The following CTIF variants were observed in gnomAD, a reference collection of about 807,000 sequenced individuals.
CTIF encodes cap binding complex dependent translation initiation factor.
A neutral mutation model predicts 66.0 loss-of-function variants in CTIF; 21 were observed. The ratio of observed to expected loss-of-function variants is 0.32; its 90% CI spans 0.23 to 0.46. The LOEUF is 0.46. Among genes scored for constraint, CTIF ranks in the 20% least tolerant of loss-of-function variants. CTIF has a pLI of 1.00. For missense variants in CTIF, 739 were observed against 812.7 expected (o/e 0.91, Z 1.10); for synonymous variants, 345 against 326.4 (o/e 1.06, Z -0.62).
intron 9 of CTIF, among the ~76,000 whole-genome samples, chr18:48,772,617 T>G (rs1047903062): frequency 1.3e-5 from 2 of 150,604 alleles, no homozygotes; most frequent in East Asian, 3.9e-4. Flanking sequence ...GTGCCTGGCT[T>G]ATTTCACTTC....
At chr18:48,619,510 C>T (rs1030574369) in intron 1 of CTIF, 28 bp from the exon 2 acceptor site, 24 of 1,361,022 alleles carry the variant, frequency 1.8e-5, no homozygotes, top group Admixed American at 3.2e-5. Flanking sequence ...CAGCGTCTCA[C>T]GGAGTTCTCT....
At chr18:48,595,448 AC>A (rs2089972051) in intron 1 of CTIF, among the ~76,000 whole-genome samples, 1 of 152,070 alleles carries the variant, frequency 6.6e-6, no homozygotes, top group African/African-American at 2.4e-5. Context: ...TTTTAGAGAG[AC>A]AGGGTCTCAG....
At chr18:48,790,046 G>A (rs537357059) in intron 9 of CTIF, among the ~76,000 whole-genome samples, 5 of 152,348 alleles carry the variant, frequency 3.3e-5, no homozygotes, top group Non-Finnish European at 5.9e-5. Context: ...CCATTGTGAA[G>A]ATGAAAGGAG....
intron 7 of CTIF, among the ~76,000 whole-genome samples, chr18:48,744,838 T>C (rs2092583090): frequency 6.6e-6 from 1 of 151,378 alleles, no homozygotes; most frequent in Non-Finnish European, 1.5e-5. Flanking sequence ...TTTTTTTTCT[T>C]TTGAGGTGGA....
chr18:48,853,977 C>T (rs1054028695), intron 10 of CTIF, among the ~76,000 whole-genome samples: 1 of 152,188 alleles, frequency 6.6e-6, no homozygotes, highest in Non-Finnish European at 1.5e-5. Context: ...TGAGGATGTG[C>T]CCTCAGAATG....
rs538672412 is a variant in CTIF at position 48,837,295 on chromosome 18, G to T, written c.1527+19919G>T. 5.7e-4 allele frequency among the ~76,000 whole-genome samples: 87 copies of T among 152,292 alleles called. 2 individuals carry two copies. The highest frequency in any genetic ancestry group is 2.0e-3 in the African/African-American group (83 of 41,570). On this transcript the variant is annotated intron_variant, in intron 10 of 11. Transcript: ENST00000256413. Reference sequence around the variant, plus strand: ...ACTGGTGCCTGCCTCACAGGGTGGGGGCGAGAAGGGGGCTGTCTAAGGCCC... The same window carrying T: ...ACTGGTGCCTGCCTCACAGGGTGGGTGCGAGAAGGGGGCTGTCTAAGGCCC...
intron 9 of CTIF, among the ~76,000 whole-genome samples, chr18:48,784,845 G>A (rs1359566439): frequency 1.3e-5 from 2 of 152,202 alleles, no homozygotes; most frequent in East Asian, 3.8e-4. Flanking sequence ...AAACATGTAT[G>A]CACATTCATG....
At chr18:48,626,781 G>A (rs1467202237) in intron 2 of CTIF, among the ~76,000 whole-genome samples, 4 of 150,210 alleles carry the variant, frequency 2.7e-5, no homozygotes, top group Non-Finnish European at 4.4e-5. Flanking sequence ...TCAGCCTCCC[G>A]AGTAGCTGTG....
chr18:48,583,199 A>T (rs544131332), intron 1 of CTIF, among the ~76,000 whole-genome samples: 3 of 152,286 alleles, frequency 2.0e-5, no homozygotes, highest in East Asian at 3.9e-4. Context: ...GCCATGGGGA[A>T]ATCTGGCCCT....
intron 9 of CTIF, among the ~76,000 whole-genome samples, chr18:48,765,930 A>G (rs1343969824): frequency 6.9e-6 from 1 of 144,194 alleles, no homozygotes; most frequent in Non-Finnish European, 1.5e-5. Flanking sequence ...TTTACTTTTT[A>G]TTTTATTTTA....
chr18:48,580,020 C>T (rs1184678130), intron 1 of CTIF, among the ~76,000 whole-genome samples: 3 of 152,196 alleles, frequency 2.0e-5, no homozygotes, highest in Admixed American at 1.3e-4. Context: ...TCCATCCATC[C>T]GTCCGTTCAT....
intron 10 of CTIF, among the ~76,000 whole-genome samples, chr18:48,841,406 G>A (rs1476828251): frequency 6.6e-6 from 1 of 152,186 alleles, no homozygotes; most frequent in Non-Finnish European, 1.5e-5. Context: ...CTAGGGCAGC[G>A]CCCTCGTGGC....
intron 1 of CTIF, among the ~76,000 whole-genome samples, chr18:48,612,435 C>T (rs558246810): frequency 6.6e-6 from 1 of 152,324 alleles, no homozygotes; most frequent in Admixed American, 6.5e-5. Context: ...GTGTTGCTCC[C>T]ACTCTGTGGG....
intron 6 of CTIF, among the ~76,000 whole-genome samples, chr18:48,677,330 G>T (rs2091647829): frequency 6.6e-6 from 1 of 152,172 alleles, no homozygotes; most frequent in African/African-American, 2.4e-5. Context: ...TACGGATCAG[G>T]CATCTCTCTG....
intron 10 of CTIF, among the ~76,000 whole-genome samples, chr18:48,843,216 C>T (rs2068988131): frequency 6.6e-6 from 1 of 151,974 alleles, no homozygotes; most frequent in Non-Finnish European, 1.5e-5. Flanking sequence ...TGGGGAGGGT[C>T]AGAGATTTCC....
At chr18:48,801,336 T>A (rs2146222605) in intron 9 of CTIF, among the ~76,000 whole-genome samples, 1 of 152,286 alleles carries the variant, frequency 6.6e-6, no homozygotes, top group South Asian at 2.1e-4. Context: ...CAAACGTTGG[T>A]CTCCCCCAAG....
At chr18:48,546,673 G>A (rs1377280103) in intron 1 of CTIF, among the ~76,000 whole-genome samples, 2 of 152,106 alleles carry the variant, frequency 1.3e-5, no homozygotes, top group East Asian at 3.9e-4. Flanking sequence ...CAAAGCCCAA[G>A]GGTTTGAGTC....
chr18:48,666,287 T>C (rs1053294582), intron 5 of CTIF, among the ~76,000 whole-genome samples: 2 of 152,204 alleles, frequency 1.3e-5, no homozygotes, highest in African/African-American at 4.8e-5. Context: ...CCTGCTGCTA[T>C]ATTTGTCCCA....
At chr18:48,698,277 G>A (rs1296248600) in intron 6 of CTIF, among the ~76,000 whole-genome samples, 1 of 152,060 alleles carries the variant, frequency 6.6e-6, no homozygotes, top group Admixed American at 6.5e-5. Flanking sequence ...TGCAGGGGCT[G>A]CCCTCCTGGA....
Sources: allele counts gnomAD v4.1 joint callset (sites outside exome capture counted in the v4.1 genomes callset), GRCh38; gene constraint gnomAD v4.1.1; transcripts MANE v1.5; gene names NCBI Gene and HGNC (gene_info 2026-07-23, HGNC 2026-07-21).